Variants in EPM2A observed in about 807,000 individuals in gnomAD.
EPM2A encodes laforin.
Under a neutral mutation model 26.5 loss-of-function variants are expected in EPM2A, and 21 were observed. The ratio of observed to expected loss-of-function variants is 0.79; its 90% CI spans 0.56 to 1.14. The LOEUF (loss-of-function observed/expected upper bound fraction) is 1.14. EPM2A is among the 50% of genes most tolerant of loss of function. The pLI is 0.00. For synonymous variants in EPM2A, 217 were observed against 177.6 expected, an observed-to-expected ratio of 1.22 and a Z score of -1.76; for missense variants, 458 against 440.8, an observed-to-expected ratio of 1.04 and a Z score of -0.35.
chr6:145,501,203 T>A (rs1264208896), downstream of EPM2A, among the ~76,000 whole-genome samples: 3 of 152,156 alleles, frequency 2.0e-5, no homozygotes, highest in Non-Finnish European at 4.4e-5. Context: ...TACTGAGTCA[T>A]AACAATAATC....
At chr6:145,715,831 A>G (rs1015653149) in intron 1 of EPM2A, among the ~76,000 whole-genome samples, 3 of 152,172 alleles carry the variant, frequency 2.0e-5, no homozygotes, top group Non-Finnish European at 4.4e-5. Context: ...ATCTAATTGC[A>G]GGAAAACAAG....
chr6:145,462,786 A>G (rs1447584902), intron 4 of EPM2A, among the ~76,000 whole-genome samples: 1 of 152,128 alleles, frequency 6.6e-6, no homozygotes, highest in Non-Finnish European at 1.5e-5. Context: ...ATCTATCACT[A>G]CCAACAACTT....
intron 1 of EPM2A, among the ~76,000 whole-genome samples, chr6:145,725,314 AC>A (rs1338370611): frequency 1.3e-5 from 2 of 152,258 alleles, no homozygotes; most frequent in East Asian, 1.9e-4. Context: ...AAAATGTGCA[AC>A]AGGAACTCTC....
intron 4 of EPM2A, among the ~76,000 whole-genome samples, chr6:145,431,402 A>G (rs1778919933): frequency 6.6e-6 from 1 of 152,222 alleles, no homozygotes; most frequent in South Asian, 2.1e-4. Flanking sequence ...ACAGTAAAAG[A>G]ATATCTCAGA....
intron 4 of EPM2A, among the ~76,000 whole-genome samples, chr6:145,450,860 C>T (rs552174115): frequency 1.3e-5 from 2 of 152,226 alleles, no homozygotes; most frequent in East Asian, 3.9e-4. Context: ...CATTTTCCAA[C>T]ACCTTGTAAA....
chr6:145,495,784 C>A (rs185768749), intron 4 of EPM2A, among the ~76,000 whole-genome samples: 4 of 152,234 alleles, frequency 2.6e-5, no homozygotes, highest in Non-Finnish European at 4.4e-5. Context: ...ACCATATTGG[C>A]CGGGTTGGAC....
chr6:145,676,618 A>G (rs993534276), intron 2 of EPM2A, among the ~76,000 whole-genome samples: 1 of 152,220 alleles, frequency 6.6e-6, no homozygotes, highest in Admixed American at 6.5e-5. Context: ...TCCCAAAAAA[A>G]TACAAACTAC....
chr6:145,654,675 T>C (rs1778134278), intron 2 of EPM2A, among the ~76,000 whole-genome samples: 2 of 152,234 alleles, frequency 1.3e-5, no homozygotes, highest in Admixed American at 1.3e-4. Flanking sequence ...TGTTCATTGA[T>C]ATCACTTCCT....
intron 2 of EPM2A, among the ~76,000 whole-genome samples, chr6:145,657,073 A>T (rs1387244046): frequency 6.7e-6 from 1 of 149,378 alleles, no homozygotes; most frequent in Non-Finnish European, 1.5e-5. Flanking sequence ...GGAAAAAAAT[A>T]AGCCCGTCAT....
In EPM2A at chr6:145,457,244, C is replaced by T. The variant is rs12663286; in HGVS notation, c.555+45278G>A. 4.4e-4 allele frequency among the ~76,000 whole-genome samples: 67 copies of T among 152,070 alleles called. 1 individual carries two copies. In the East Asian group the frequency reaches 0.012, roughly 27 times the overall value. On this transcript the variant is annotated intron_variant, in intron 4 of 4. Transcript: ENST00000638717. ...GTGTGGCGGCTCACACCTATAATTT[C>T]GACACTTTGGGAGGCTGAGGTGGAT...
At chr6:145,735,763 G>T, upstream of EPM2A, 1 of 407,664 alleles carries the variant, frequency 2.5e-6, no homozygotes, top group Non-Finnish European at 3.4e-6. Flanking sequence ...TTCCACCTGT[G>T]GGCGCTGGGG....
At chr6:145,713,646 C>T (rs1476570423) in intron 1 of EPM2A, among the ~76,000 whole-genome samples, 2 of 152,152 alleles carry the variant, frequency 1.3e-5, no homozygotes, top group Non-Finnish European at 2.9e-5. Flanking sequence ...ATAGTGCAGT[C>T]ACCTTGGAAA....
intron 2 of EPM2A, among the ~76,000 whole-genome samples, chr6:145,662,916 T>C (rs1778834594): frequency 6.6e-6 from 1 of 152,070 alleles, no homozygotes; most frequent in African/African-American, 2.4e-5. Flanking sequence ...AAGCAAAAAA[T>C]TGCTGTCAAA....
intron 2 of EPM2A, among the ~76,000 whole-genome samples, chr6:145,603,369 G>A (rs1582889831): frequency 6.6e-6 from 1 of 151,132 alleles, no homozygotes; most frequent in South Asian, 2.1e-4. Context: ...ATTCTTGCCT[G>A]AACCCTGAGC....
At chr6:145,408,871 C>T (rs1034894645) in intron 4 of EPM2A, among the ~76,000 whole-genome samples, 1 of 152,136 alleles carries the variant, frequency 6.6e-6, no homozygotes, top group African/African-American at 2.4e-5. Context: ...TACAGGAGCA[C>T]TAATGACATT....
At chr6:145,513,564 G>T (rs1284358116) in intron 2 of EPM2A, among the ~76,000 whole-genome samples, 2 of 152,188 alleles carry the variant, frequency 1.3e-5, no homozygotes, top group African/African-American at 4.8e-5. Flanking sequence ...CAGTGGAAAA[G>T]AAATTATTAT....
intron 4 of EPM2A, among the ~76,000 whole-genome samples, chr6:145,446,250 T>A (rs1779127104): frequency 6.9e-6 from 1 of 144,044 alleles, no homozygotes; most frequent in African/African-American, 2.5e-5. Context: ...AAATCATGAA[T>A]ATGTTCTATG....
intron 2 of EPM2A, among the ~76,000 whole-genome samples, chr6:145,512,993 C>T (rs1274140051): frequency 2.6e-5 from 4 of 151,966 alleles, no homozygotes; most frequent in South Asian, 2.1e-4. Flanking sequence ...TTCTGGACAT[C>T]GGCCCAAGCA....
At chr6:145,703,371 G>GT (rs2128626885) in intron 1 of EPM2A, among the ~76,000 whole-genome samples, 1 of 152,198 alleles carries the variant, frequency 6.6e-6, no homozygotes, top group South Asian at 2.1e-4. Context: ...GATTACAGGT[G>GT]TGAGCCACCA....
Sources: allele counts gnomAD v4.1 joint callset (sites outside exome capture counted in the v4.1 genomes callset), GRCh38; gene constraint gnomAD v4.1.1; transcripts MANE v1.5; gene names NCBI Gene and HGNC (gene_info 2026-07-23, HGNC 2026-07-21).